Variants in RAB40B observed in about 807,000 individuals in gnomAD.
The protein encoded by RAB40B is ras-related protein Rab-40B.
RAB40B carries 21 observed loss-of-function variants against 24.0 expected under a neutral mutation model. The observed-to-expected ratio is 0.88, with a 90% CI of 0.62 to 1.26. The LOEUF (loss-of-function observed/expected upper bound fraction) is 1.26. Among genes scored for constraint, RAB40B ranks in the 50% most tolerant of loss-of-function variants. The pLI is 0.00. For synonymous variants in RAB40B, 167 were observed against 169.8 expected (o/e 0.98, Z 0.13); for missense variants, 348 against 390.5 (o/e 0.89, Z 0.92).
chr17:82,665,367 C>T (rs1454498111), intron 1 of RAB40B, among the ~76,000 whole-genome samples: 1 of 152,034 alleles, frequency 6.6e-6, no homozygotes, highest in Non-Finnish European at 1.5e-5. Flanking sequence ...ATCCTCCCAC[C>T]TCAGTCCCCT....
chr17:82,661,204 T>C (rs4789706), intron 2 of RAB40B, 157 bp from the exon 3 acceptor site: 1,431,530 of 1,439,260 alleles, frequency 0.99, 712,234 homozygotes, highest in East Asian at 1. Context: ...CCAATGTCCC[T>C]GAAGGGATCC....
chr17:82,687,199 G>A (rs1212168893), intron 1 of RAB40B, among the ~76,000 whole-genome samples: 1 of 151,988 alleles, frequency 6.6e-6, no homozygotes, highest in East Asian at 1.9e-4. Context: ...TCAAACATAC[G>A]TGGCCTCCTG....
At chr17:82,670,374 G>A (rs1295580607) in intron 1 of RAB40B, among the ~76,000 whole-genome samples, 1 of 151,740 alleles carries the variant, frequency 6.6e-6, no homozygotes, top group South Asian at 2.1e-4. Flanking sequence ...TAGTAGACAC[G>A]GGGTTTTACC....
In RAB40B at chr17:82,697,178, G is replaced by A. The variant is rs1003749081; in HGVS notation, c.142+1277C>T. 1.3e-5 allele frequency among the ~76,000 whole-genome samples: 2 copies of A among 152,020 alleles called. No individual in the cohort carries two copies. The highest frequency in any genetic ancestry group is 2.9e-5 in the Non-Finnish European group (2 of 67,982). ...CCAAACTCTGCCCATTCCTCACCCCGTCCCCTAAGCTGAGGTGTGGCCGGG... is the reference window on the plus strand; with the variant it reads ...CCAAACTCTGCCCATTCCTCACCCCATCCCCTAAGCTGAGGTGTGGCCGGG... On this transcript the variant is annotated intron_variant, in intron 1 of 5. Coordinates refer to ENST00000571995, the MANE Select transcript of RAB40B (RefSeq NM_006822.3). The surrounding 1 kb of genome is among the most constrained non-coding windows in gnomAD (Gnocchi z 4.9).
Position 82,667,941 on chromosome 17 carries a change from CG to C in RAB40B, c.143-3386del, listed in dbSNP as rs1295125546. ...TCTCTCTTCTTGGCATGGGCGCTGA[CG>C]GGGCACTGATGGGGCCTTTGGGATG... On this transcript the variant is annotated intron_variant, in intron 1 of 5. Transcript: ENST00000571995. This position sits in a 1 kb window ranked among gnomAD's most constrained non-coding sequence, Gnocchi z 4.3. Among the ~76,000 whole-genome samples the C allele has an allele frequency of 2.6e-5, 4 of 152,090 alleles. No homozygotes were observed. The highest frequency in any genetic ancestry group is 4.4e-5 in the Non-Finnish European group (3 of 68,028).
chr17:82,657,426 G>C lies in RAB40B; in HGVS notation c.*437C>G. ...TTTTATAAATTGGCGCTTTGACATT[G>C]AAAAGGAGGTTTACAAAAAGACCCC... is the stretch of plus-strand genomic sequence containing the variant. On this transcript the variant is annotated 3_prime_UTR_variant, in exon 6 of 6. Transcript: ENST00000571995. The C allele has an allele frequency of 3.1e-6, 1 of 323,340 alleles. No individual in the cohort carries two copies. Among genetic ancestry groups the C allele is most frequent in the Non-Finnish European group, 6.0e-6 (1 of 167,138 alleles). 20.0% of individuals were successfully genotyped at this position (323,340 alleles called of 1,614,324 possible).
At chr17:82,659,521 TG>T in intron 4 of RAB40B, 58 bp downstream of exon 4, 1 of 1,568,432 alleles carries the variant, frequency 6.4e-7, no homozygotes, top group Non-Finnish European at 8.8e-7. Context: ...CCCTAATTCC[TG>T]GCCTGACGTC....
intron 1 of RAB40B, among the ~76,000 whole-genome samples, 191 bp downstream of exon 1, chr17:82,698,264 C>T (rs1225622832): frequency 6.6e-6 from 1 of 151,768 alleles, no homozygotes; most frequent in Non-Finnish European, 1.5e-5. Context: ...GCCCGCGAAC[C>T]GCGCTCCTCC....
rs9896615 is a variant in RAB40B at position 82,674,633 on chromosome 17, G to A, written c.143-10077C>T. On this transcript the variant is annotated intron_variant, in intron 1 of 5. Transcript: ENST00000571995. ...CAGCCTGGGCGACAGAGCAAGACTC[G>A]TCTTAAAAAAAAAAAAAAAGAAAAG... Among the ~76,000 whole-genome samples the A allele has an allele frequency of 3.0e-4, 44 of 146,094 alleles. No homozygotes were observed. The Middle Eastern group carries it at 0.01, about 35-fold the overall frequency.
chr17:82,683,974 A>G (rs1485958350), intron 1 of RAB40B, among the ~76,000 whole-genome samples: 1 of 152,166 alleles, frequency 6.6e-6, no homozygotes, highest in Non-Finnish European at 1.5e-5. Flanking sequence ...TAATCCCAGC[A>G]CTTTGGGAGG....
Position 82,681,951 on chromosome 17 carries a change from T to C in RAB40B, c.142+16504A>G, listed in dbSNP as rs184565671. ...GGTAAAAAACAGAACGCTTTCCCCA[T>C]GAAAATGAGAAAATATTTTCCCCAT... is the stretch of plus-strand genomic sequence containing the variant. On this transcript the variant is annotated intron_variant, in intron 1 of 5. Coordinates refer to ENST00000571995, the MANE Select transcript of RAB40B (RefSeq NM_006822.3). Among the ~76,000 whole-genome samples, 541 of 152,162 alleles carry C rather than the reference T, an allele frequency of 3.6e-3. 2 individuals carry two copies. Among genetic ancestry groups the C allele is most frequent in the African/African-American group, 0.011 (468 of 41,522 alleles).
chr17:82,671,793 G>A (rs1428758640), intron 1 of RAB40B, among the ~76,000 whole-genome samples: 1 of 19,846 alleles, frequency 5.0e-5, no homozygotes. Flanking sequence ...AGCTCACCCC[G>A]TAACTCTAAC....
rs943676044 is a variant in RAB40B, at chr17:82,656,616, A to G, written c.*1247T>C. On this transcript the variant is annotated 3_prime_UTR_variant, in exon 6 of 6. Transcript: ENST00000571995. ...AAAAGGAATCCTTTCTCAACAGGCGACAACAGTTCAAGGATTCAGCCTTGT... is the reference window on the plus strand; with the variant it reads ...AAAAGGAATCCTTTCTCAACAGGCGGCAACAGTTCAAGGATTCAGCCTTGT... 10 of 152,300 alleles carry G rather than the reference A, an allele frequency of 6.6e-5. No homozygotes were observed. The highest frequency in any genetic ancestry group is 2.4e-4 in the African/African-American group (10 of 41,460). The allele number at this position is 152,300 out of a possible 1,614,324, so 9.4% of individuals were successfully genotyped here. A position where few individuals can be genotyped will look rare whatever the true frequency, so the allele number is the denominator to read the frequency against.
chr17:82,691,506 T>C (rs1261112985), intron 1 of RAB40B, among the ~76,000 whole-genome samples: 1 of 151,826 alleles, frequency 6.6e-6, no homozygotes, highest in East Asian at 1.9e-4. Context: ...ACCAACATGG[T>C]GAAACCCCCA....
intron 1 of RAB40B, among the ~76,000 whole-genome samples, chr17:82,694,075 T>A: frequency 7.6e-6 from 1 of 132,226 alleles, no homozygotes; most frequent in Non-Finnish European, 1.5e-5. Context: ...AGAGCGAGAC[T>A]CCATCTCAAA....
chr17:82,685,082 C>T (rs1220772495), intron 1 of RAB40B, among the ~76,000 whole-genome samples: 1 of 150,722 alleles, frequency 6.6e-6, no homozygotes, highest in Non-Finnish European at 1.5e-5. Flanking sequence ...CATTGCACTC[C>T]AGCCTGGGTG....
At chr17:82,674,169 CA>C (rs1045673948) in intron 1 of RAB40B, among the ~76,000 whole-genome samples, 9 of 151,528 alleles carry the variant, frequency 5.9e-5, no homozygotes, top group Non-Finnish European at 1.2e-4. Flanking sequence ...GGTCAAAGCC[CA>C]ACTCTACTAA....
chr17:82,673,416 T>G (rs1249036326), intron 1 of RAB40B, among the ~76,000 whole-genome samples: 1 of 151,382 alleles, frequency 6.6e-6, no homozygotes. Flanking sequence ...ACTGTTGCCC[T>G]GGGGCCCCCA....
intron 1 of RAB40B, among the ~76,000 whole-genome samples, chr17:82,674,100 G>A (rs2046368644): frequency 6.6e-6 from 1 of 152,220 alleles, no homozygotes; most frequent in Non-Finnish European, 1.5e-5. Context: ...CAGCACTTTG[G>A]GAGGCCGAGG....
Sources: gnomAD v4.1 joint callset for allele counts (sites outside exome capture counted in the v4.1 genomes callset) on GRCh38, gnomAD v4.1.1 for gene constraint, Gnocchi (gnomAD v3.1) non-coding constraint, MANE v1.5 for transcripts, NCBI Gene and HGNC (gene_info 2026-07-23, HGNC 2026-07-21) for gene names.